Variants in JPH2 observed in about 807,000 individuals in gnomAD.
JPH2 encodes junctophilin-2.
JPH2 carries 38 observed loss-of-function variants against 55.9 expected under a neutral mutation model. That is an observed-to-expected ratio of 0.68 (90% confidence interval 0.52 to 0.89). JPH2 has a LOEUF of 0.89. JPH2 is among the 40% of genes least tolerant of loss of function. JPH2 has a pLI of 0.00. For missense variants in JPH2, 964 were observed against 1,037.6 expected, an observed-to-expected ratio of 0.93 and a Z score of 0.97; for synonymous variants, 480 against 472.4, an observed-to-expected ratio of 1.02 and a Z score of -0.21.
At position 44,109,680 on chromosome 20, in the gene JPH2, T is replaced by G. The variant is rs1266838532; in HGVS notation, c.*3838A>C. The stretch of plus-strand genomic sequence containing the variant: ...TTTCAGCATACATGCAAGTTTTATG[T>G]TTTACAGTTTAGGTATTATTTGTAT... On this transcript the variant is annotated 3_prime_UTR_variant, in exon 6 of 6. Transcript: ENST00000372980. 2.6e-5 allele frequency among the ~76,000 whole-genome samples: 4 copies of G among 152,194 alleles called. No individual in the cohort carries two copies. Among genetic ancestry groups the G allele is most frequent in the Non-Finnish European group, 2.9e-5 (2 of 68,036 alleles).
intron 2 of JPH2, among the ~76,000 whole-genome samples, chr20:44,131,185 C>T (rs1273198123): frequency 6.6e-6 from 1 of 152,214 alleles, no homozygotes; most frequent in African/African-American, 2.4e-5. Context: ...TTCGTTTAGA[C>T]TGTGACTTCT....
chr20:44,124,862 C>T (rs1321004216), intron 2 of JPH2, among the ~76,000 whole-genome samples: 1 of 151,682 alleles, frequency 6.6e-6, no homozygotes, highest in Non-Finnish European at 1.5e-5. Flanking sequence ...AATCCCAGCA[C>T]TATGGGATGC....
At chr20:44,125,728 A>G (rs1293012532) in intron 2 of JPH2, among the ~76,000 whole-genome samples, 1 of 152,052 alleles carries the variant, frequency 6.6e-6, no homozygotes, top group Non-Finnish European at 1.5e-5. Flanking sequence ...AGAGGCGGTA[A>G]CTCTGGCCAG....
At chr20:44,124,924 A>C (rs2072265043) in intron 2 of JPH2, among the ~76,000 whole-genome samples, 1 of 152,132 alleles carries the variant, frequency 6.6e-6, no homozygotes, top group African/African-American at 2.4e-5. Flanking sequence ...CCTGGCCAAC[A>C]TGCCGAAACC....
rs372464510 is a variant in JPH2 at position 44,107,021 on chromosome 20, C to A, written c.*6497G>T. Among the ~76,000 whole-genome samples the A allele has an allele frequency of 3.3e-5, 5 of 152,270 alleles. No homozygotes were observed. The highest frequency in any genetic ancestry group is 1.2e-4 in the African/African-American group (5 of 41,564). ...CATCAAGTTAGACTTCTTCCTCTGC[C>A]CTGTTCTGCATTTTCCTCCTTCCTT... On this transcript the variant is annotated 3_prime_UTR_variant, in exon 6 of 6. Coordinates refer to ENST00000372980, the MANE Select transcript of JPH2 (RefSeq NM_020433.5).
intron 2 of JPH2, among the ~76,000 whole-genome samples, chr20:44,150,157 C>T (rs1268301140): frequency 6.6e-6 from 1 of 151,730 alleles, no homozygotes; most frequent in Non-Finnish European, 1.5e-5. Context: ...TTAAACAGCA[C>T]CATAAGGAAT....
intron 1 of JPH2, among the ~76,000 whole-genome samples, chr20:44,163,865 C>T (rs1458724794): frequency 6.6e-6 from 1 of 152,162 alleles, no homozygotes; most frequent in Non-Finnish European, 1.5e-5. Flanking sequence ...AAAGAACAGC[C>T]AGGAGGGAGA....
At chr20:44,185,815 G>A (rs2072833632) in intron 1 of JPH2, among the ~76,000 whole-genome samples, 1 of 151,564 alleles carries the variant, frequency 6.6e-6, no homozygotes, top group Non-Finnish European at 1.5e-5. Context: ...GGATGGGCAG[G>A]CAGGTGGGTG....
At chr20:44,138,009 C>CTTTTTT (rs556691395) in intron 2 of JPH2, among the ~76,000 whole-genome samples, 3 of 140,776 alleles carry the variant, frequency 2.1e-5, no homozygotes, top group African/African-American at 7.9e-5. Flanking sequence ...TTAAAAAGAC[C>CTTTTTT]TTTTTTTTTT....
intron 2 of JPH2, among the ~76,000 whole-genome samples, chr20:44,126,053 G>A (rs542509413): frequency 6.6e-6 from 1 of 150,836 alleles, no homozygotes; most frequent in African/African-American, 2.4e-5. Flanking sequence ...TTGAGCCCAG[G>A]AGGTCAAGGC....
intron 1 of JPH2, among the ~76,000 whole-genome samples, chr20:44,178,337 T>C (rs1336875759): frequency 1.3e-5 from 2 of 152,200 alleles, no homozygotes; most frequent in African/African-American, 2.4e-5. Flanking sequence ...AAATGTTAAA[T>C]GCCGTTTACA....
Position 44,168,351 on chromosome 20 carries a change from T to C in JPH2, c.380-7944A>G, listed in dbSNP as rs150087771. Among the ~76,000 whole-genome samples, 82 of 151,052 alleles carry C rather than the reference T, an allele frequency of 5.4e-4. 1 individual carries two copies. In the Middle Eastern group the frequency reaches 0.02, roughly 38 times the overall value. Reference sequence around the variant, plus strand: ...GGAAAATATCTCATTAATGATTGTATATTGTTTACACACAAAAAAAATATT... The same window carrying C: ...GGAAAATATCTCATTAATGATTGTACATTGTTTACACACAAAAAAAATATT... On this transcript the variant is annotated intron_variant, in intron 1 of 5. Transcript: ENST00000372980.
At chr20:44,166,209 A>G (rs1217742747) in intron 1 of JPH2, among the ~76,000 whole-genome samples, 1 of 152,170 alleles carries the variant, frequency 6.6e-6, no homozygotes, top group Non-Finnish European at 1.5e-5. Flanking sequence ...CCGGGGAGGT[A>G]TTTTATGGTT....
intron 2 of JPH2, among the ~76,000 whole-genome samples, chr20:44,138,377 T>C (rs2072431874): frequency 6.7e-6 from 1 of 150,296 alleles, no homozygotes; most frequent in South Asian, 2.1e-4. Flanking sequence ...CAGCCTTGAG[T>C]CTGAGTTTGT....
chr20:44,118,763 G>A (rs2072213217), intron 2 of JPH2, 140 bp from the exon 3 acceptor site: 8 of 724,754 alleles, frequency 1.1e-5, no homozygotes, highest in South Asian at 1.1e-4. Context: ...TGAGCCTCAT[G>A]GCCCAGACTG....
intron 2 of JPH2, among the ~76,000 whole-genome samples, chr20:44,155,003 G>T (rs532706168): frequency 6.6e-6 from 1 of 151,940 alleles, no homozygotes; most frequent in Non-Finnish European, 1.5e-5. Flanking sequence ...CAGCCTTCTC[G>T]GTGGGAGCTC....
intron 2 of JPH2, among the ~76,000 whole-genome samples, chr20:44,127,027 A>G (rs920480874): frequency 1.3e-5 from 2 of 152,234 alleles, no homozygotes; most frequent in Admixed American, 6.5e-5. Flanking sequence ...TGTTACTATT[A>G]TAACAATGCT....
At chr20:44,115,599 T>TCCTC in intron 4 of JPH2, 66 bp downstream of exon 4, 5 of 1,603,076 alleles carry the variant, frequency 3.1e-6, no homozygotes, top group Non-Finnish European at 4.3e-6. Flanking sequence ...TGCCCCTGAA[T>TCCTC]CCTCCCTCAA....
rs1297220540 is a variant in JPH2 at position 44,182,436 on chromosome 20, C to A, written c.379+3891G>T. Among the ~76,000 whole-genome samples the A allele has an allele frequency of 2.0e-5, 3 of 152,322 alleles. No individual in the cohort carries two copies. In the East Asian group the frequency reaches 5.8e-4, roughly 29 times the overall value. On this transcript the variant is annotated intron_variant, in intron 1 of 5. Coordinates refer to ENST00000372980, the MANE Select transcript of JPH2 (RefSeq NM_020433.5). ...AGTCTGGGGCTCTGACAAACCAAGG[C>A]AGCAGGGCTTCTGGTCACCTGGCCT...
Sources: allele counts gnomAD v4.1 joint callset (sites outside exome capture counted in the v4.1 genomes callset), GRCh38; gene constraint gnomAD v4.1.1; transcripts MANE v1.5; gene names NCBI Gene and HGNC (gene_info 2026-07-23, HGNC 2026-07-21).